Variants in ADGRG3 observed in about 807,000 individuals in gnomAD.
ADGRG3 encodes G protein-coupled receptor 97.
ADGRG3 carries 39 observed loss-of-function variants against 54.3 expected under a neutral mutation model. The ratio of observed to expected loss-of-function variants is 0.72; its 90% CI spans 0.56 to 0.94. ADGRG3 has a LOEUF of 0.94. Ranked by LOEUF, ADGRG3 falls within the 40% of genes least tolerant of loss-of-function variation. The pLI is 0.00. For missense variants in ADGRG3, 654 were observed against 694.6 expected, an observed-to-expected ratio of 0.94 and a Z score of 0.66; for synonymous variants, 312 against 290.0, an observed-to-expected ratio of 1.08 and a Z score of -0.77.
intron 8 of ADGRG3, among the ~76,000 whole-genome samples, chr16:57,681,745 A>AG (rs564250996): frequency 0.092 from 11,595 of 126,390 alleles, 611 homozygotes; most frequent in East Asian, 0.14. Context: ...AAAAAAAAAA[A>AG]AGAGAGAGAG....
chr16:57,668,356 GC>G lies in ADGRG3; in HGVS notation c.12del (p.Arg5GlyfsTer40). 1 of 1,573,052 alleles carries G rather than the reference GC, an allele frequency of 6.4e-7. No homozygotes were observed. The highest frequency in any genetic ancestry group is 8.6e-7 in the Non-Finnish European group (1 of 1,165,728). On this transcript the variant is annotated frameshift_variant, in exon 1 of 12. Transcript: ENST00000333493. LOFTEE classifies it high-confidence loss of function. MAT[P>X]RGLGALLLLL... is the part of the protein sequence containing the mutation. Reference sequence around the variant, plus strand: ...GGCAAGGCTGGCCAAGGATGGCGACGCCCAGGGGCCTGGGGGCCCTGCTCCT... The same window carrying G: ...GGCAAGGCTGGCCAAGGATGGCGACGCCAGGGGCCTGGGGGCCCTGCTCCT...
intron 5 of ADGRG3, 49 bp from the exon 6 acceptor site, chr16:57,679,767 C>G (rs9935751): frequency 6.6e-7 from 1 of 1,509,958 alleles, no homozygotes; most frequent in Non-Finnish European, 9.2e-7. Flanking sequence ...CCCTGCCCTC[C>G]CCCAAACTTC....
In ADGRG3 at chr16:57,679,843, G is replaced by C. The variant is rs1296154640; in HGVS notation, c.655G>C (p.Asp219His). 1 of 1,612,758 alleles carries C rather than the reference G, an allele frequency of 6.2e-7. No individual in the cohort carries two copies. Among genetic ancestry groups the C allele is most frequent in the South Asian group, 1.1e-5 (1 of 91,054 alleles). ...PNMTLTCVFW[D>H]VTKGTTGDWS... The stretch of plus-strand genomic sequence containing the variant: ...CATGACCCTCACCTGTGTATTCTGG[G>C]ATGTGACTAAAGGTAGGGCCCGGAG... The change falls in exon 6 of 12, where the codon GAT (aspartate) becomes CAT (histidine). Residue 219 changes from aspartate (D) to histidine (H), a missense_variant. Asp to His is a moderately conservative substitution (Grantham distance 81, BLOSUM62 -1). Coordinates refer to ENST00000333493, the MANE Select transcript of ADGRG3 (RefSeq NM_170776.5).
chr16:57,686,847 C>T (rs1370749432), intron 11 of ADGRG3: 1 of 152,272 alleles, frequency 6.6e-6, no homozygotes, highest in Non-Finnish European at 1.5e-5. Context: ...GAAATGCTTG[C>T]TGTATTTGTT....
chr16:57,688,493 C>T lies in ADGRG3; in HGVS notation c.*32C>T. 7.9e-7 allele frequency: 1 copy of T among 1,269,646 alleles called. No homozygotes were observed. The highest frequency in any genetic ancestry group is 1.5e-5 in the African/African-American group (1 of 67,950). 78.6% of individuals were successfully genotyped at this position (1,269,646 alleles called of 1,614,324 possible). ...ACGGCCCTGCAATATGGACTCAGCTCTGGCTCTCTGTGTGACCTTGGGCAG... is the reference window on the plus strand; with the variant it reads ...ACGGCCCTGCAATATGGACTCAGCTTTGGCTCTCTGTGTGACCTTGGGCAG... On this transcript the variant is annotated 3_prime_UTR_variant, in exon 12 of 12. Transcript: ENST00000333493.
chr16:57,682,405 G>A (rs1451065784), intron 8 of ADGRG3: 2 of 819,428 alleles, frequency 2.4e-6, no homozygotes, highest in Admixed American at 6.2e-5. Context: ...GCCCTAGGCT[G>A]CAGCCCCAAC....
chr16:57,685,865 C>G lies in ADGRG3; in HGVS notation c.1479C>G (p.Ala493=). The change falls in exon 11 of 12, where the codon GCC becomes GCG. Residue 493 remains alanine, a synonymous_variant. Coordinates refer to ENST00000333493, the MANE Select transcript of ADGRG3 (RefSeq NM_170776.5). ...TGGTGGGTGTGACATGGGGGTTGGC[C>G]ATCTTCACCCCGTTGGGCCTCTCCA... The part of the protein sequence containing the change: ...SSLVGVTWGL[A]IFTPLGLSTV... 1 of 1,614,156 alleles carries G rather than the reference C, an allele frequency of 6.2e-7. No individual in the cohort carries two copies. Among genetic ancestry groups the G allele is most frequent in the Non-Finnish European group, 8.5e-7 (1 of 1,180,028 alleles).
At position 57,685,795 on chromosome 16, in the gene ADGRG3, G is replaced by A; in HGVS notation, c.1409G>A (p.Gly470Glu). Residue 470 changes from glycine to glutamate, a missense_variant, in exon 11 of 12, where the codon GGG (glycine) becomes GAG (glutamate). Coordinates refer to ENST00000333493, the MANE Select transcript of ADGRG3 (RefSeq NM_170776.5). ...LSRATAVKER[G>E]KNRKKVLTLL... is the part of the protein sequence containing the mutation. ...CGTGCTACAGCGGTCAAGGAGCGGG[G>A]GAAGAACCGGAAGAAGGTGCTCACC... The A allele has an allele frequency of 1.9e-6, 3 of 1,614,190 alleles. No individual in the cohort carries two copies. In the African/African-American group the frequency reaches 4.0e-5, roughly 22 times the overall value.
Position 57,678,153 on chromosome 16 carries a change from T to G in ADGRG3, c.346-17T>G. On this transcript the variant is annotated splice_polypyrimidine_tract_variant and intron_variant, in intron 3 of 11. Transcript: ENST00000333493. ...GGGGGTGGGTACAGATGGGAGCTGC[T>G]GTGTCTGTGGTTGTAGGTTCCGAGG... 6.2e-7 allele frequency: 1 copy of G among 1,613,422 alleles called. No homozygotes were observed. The highest frequency in any genetic ancestry group is 8.5e-7 in the Non-Finnish European group (1 of 1,179,652).
intron 8 of ADGRG3, among the ~76,000 whole-genome samples, 164 bp from the exon 9 acceptor site, chr16:57,683,768 C>A (rs1193845416): frequency 1.3e-5 from 2 of 152,172 alleles, no homozygotes; most frequent in Admixed American, 1.3e-4. Context: ...AACCTCAGGA[C>A]ACTCCCACTC....
intron 3 of ADGRG3, among the ~76,000 whole-genome samples, chr16:57,677,479 G>T (rs1318911610): frequency 6.6e-6 from 1 of 151,500 alleles, no homozygotes; most frequent in Non-Finnish European, 1.5e-5. Context: ...CTACTTGGGA[G>T]GCTGAGGCAG....
chr16:57,682,657 A>G, intron 8 of ADGRG3: 1 of 984,798 alleles, frequency 1.0e-6, no homozygotes, highest in Non-Finnish European at 1.2e-6. Flanking sequence ...ATGCTCCTCC[A>G]GGAAGCCCCC....
At chr16:57,683,850 T>C in intron 8 of ADGRG3, 82 bp from the exon 9 acceptor site, 2 of 1,151,706 alleles carry the variant, frequency 1.7e-6, no homozygotes, top group Non-Finnish European at 1.2e-6. Flanking sequence ...CCATAGGCTA[T>C]TGGGGTGGAC....
At chr16:57,686,634 T>C (rs1176907070) in intron 11 of ADGRG3, 3 of 152,294 alleles carry the variant, frequency 2.0e-5, no homozygotes, top group African/African-American at 7.2e-5. Flanking sequence ...TGGAAACTCC[T>C]TCATTCTCTC....
In ADGRG3 at chr16:57,685,792, G is replaced by C. The variant is rs150741729; in HGVS notation, c.1406G>C (p.Arg469Pro). 6.8e-6 allele frequency: 11 copies of C among 1,614,072 alleles called. No individual in the cohort carries two copies. The highest frequency in any genetic ancestry group is 9.3e-6 in the Non-Finnish European group (11 of 1,180,048). ...TCCCGTGCTACAGCGGTCAAGGAGC[G>C]GGGGAAGAACCGGAAGAAGGTGCTC... ...TLSRATAVKE[R>P]GKNRKKVLTL... Residue 469 changes from arginine (R) to proline (P), a missense_variant, in exon 11 of 12, where the codon CGG (arginine) becomes CCG (proline). Arg to Pro is a moderately radical substitution (Grantham distance 103). Coordinates refer to ENST00000333493, the MANE Select transcript of ADGRG3 (RefSeq NM_170776.5).
chr16:57,679,190 G>T lies in ADGRG3; in HGVS notation c.506G>T (p.Gly169Val), dbSNP rs772101491. The T allele has an allele frequency of 6.2e-7, 1 of 1,613,748 alleles. No individual in the cohort carries two copies. Among genetic ancestry groups the T allele is most frequent in the African/African-American group, 1.3e-5 (1 of 74,934 alleles). ...PGTLFKGPRLGLGDGSGVLNN... is the reference protein window; with the variant it reads ...PGTLFKGPRLVLGDGSGVLNN... ...CCCCTTTCACAGGGCCCCCGGCTCG[G>T]CCTGGGAGATGGCAGCGGCGTGTTG... Residue 169 changes from glycine (G) to valine (V), a missense_variant, in exon 5 of 12, where the codon GGC (glycine) becomes GTC (valine). Coordinates refer to ENST00000333493, the MANE Select transcript of ADGRG3 (RefSeq NM_170776.5).
intron 8 of ADGRG3, among the ~76,000 whole-genome samples, chr16:57,681,502 C>T (rs2048368911): frequency 6.6e-6 from 1 of 152,038 alleles, no homozygotes; most frequent in African/African-American, 2.4e-5. Flanking sequence ...AGGTAGATCA[C>T]CTGAGGTCAG....
In ADGRG3 at chr16:57,680,557, C is replaced by T. The variant is rs146287478; in HGVS notation, c.821C>T (p.Ala274Val). The T allele has an allele frequency of 8.8e-4, 1,416 of 1,613,960 alleles. No homozygotes were observed. The highest frequency in any genetic ancestry group is 3.4e-3 in the African/African-American group (255 of 74,996). Residue 274 changes from alanine to valine, a missense_variant, in exon 8 of 12, where the codon GCG becomes GTG. Coordinates refer to ENST00000333493, the MANE Select transcript of ADGRG3 (RefSeq NM_170776.5). ...TVHILTRISQ[A>V]GCGVSMIFLA... ...CATATCCTCACACGCATCTCCCAGG[C>T]GGGCTGTGGGGTCTCCATGATCTTC... is the stretch of plus-strand genomic sequence containing the variant.
chr16:57,668,087 C>G (rs560277891), upstream of ADGRG3: 2 of 563,152 alleles, frequency 3.6e-6, no homozygotes, highest in Non-Finnish European at 6.4e-6. Flanking sequence ...AGTGGGGCCC[C>G]GGGGGCACAT....
Sources: gnomAD v4.1 joint callset for allele counts (sites outside exome capture counted in the v4.1 genomes callset) on GRCh38, gnomAD v4.1.1 for gene constraint, MANE v1.5 for transcripts, NCBI Gene and HGNC (gene_info 2026-07-23, HGNC 2026-07-21) for gene names.